Variants in OPHN1 observed in about 807,000 individuals in gnomAD.
The protein encoded by OPHN1 is oligophrenin-1.
A neutral mutation model predicts 60.7 loss-of-function variants in OPHN1; 11 were observed. That is an observed-to-expected ratio of 0.18 (90% confidence interval 0.11 to 0.30). The LOEUF is 0.30. Ranked by LOEUF, OPHN1 falls within the 10% of genes least tolerant of loss-of-function variation. The probability of loss-of-function intolerance (pLI) is 1.00; values close to 1 mark genes in which losing one functional copy is unlikely to be tolerated. For synonymous variants in OPHN1, 226 were observed against 222.6 expected, an observed-to-expected ratio of 1.02 and a Z score of -0.14; for missense variants, 449 against 611.0, an observed-to-expected ratio of 0.73 and a Z score of 2.80.
At chrX:68,150,698 T>C (rs932609634) in intron 15 of OPHN1, among the ~76,000 whole-genome samples, 5 of 111,516 alleles carry the variant, frequency 4.5e-5, no homozygotes, top group Admixed American at 2.9e-4. Flanking sequence ...TTCTAGGACT[T>C]TGAGGAATAG....
intron 2 of OPHN1, among the ~76,000 whole-genome samples, chrX:68,414,922 T>C (rs1046215365): frequency 3.6e-5 from 4 of 112,168 alleles, no homozygotes; most frequent in Non-Finnish European, 5.6e-5. Flanking sequence ...TTTAGGTGCA[T>C]AAGAATAAAA....
chrX:68,069,417 C>T (rs1204193925), intron 20 of OPHN1, among the ~76,000 whole-genome samples: 1 of 111,625 alleles, frequency 9.0e-6, no homozygotes, highest in Non-Finnish European at 1.9e-5. Flanking sequence ...TATGGAACAA[C>T]AGACAGGCAT....
rs1167511529 is a variant in OPHN1 at position 68,339,087 on chromosome X, A to ATAT, written c.155-39992_155-39991insATA. ...AGTGAGACCCTGTCTGAAAAAAAAA[A>ATAT]ATATATATATATATATATTTATATA... On this transcript the variant is annotated intron_variant, in intron 2 of 24. Coordinates refer to ENST00000355520, the MANE Select transcript of OPHN1 (RefSeq NM_002547.3). Among the ~76,000 whole-genome samples, 66 of 90,983 alleles carry ATAT rather than the reference A, an allele frequency of 7.3e-4. 1 individual carries two copies. The highest frequency in any genetic ancestry group is 3.2e-3 in the African/African-American group (62 of 19,485). The allele number at this position is 90,983 out of a possible 115,157, so 79.0% of individuals were successfully genotyped here.
intron 16 of OPHN1, 83 bp downstream of exon 16, chrX:68,119,165 C>T: frequency 1.5e-6 from 1 of 688,068 alleles, no homozygotes; most frequent in Admixed American, 2.3e-5. Context: ...ACTCCTGGAA[C>T]TGAGACCACG....
At chrX:68,094,873 CT>C (rs1221208194) in intron 19 of OPHN1, among the ~76,000 whole-genome samples, 1 of 111,330 alleles carries the variant, frequency 9.0e-6, no homozygotes, top group Non-Finnish European at 1.9e-5. Flanking sequence ...GGATTTTGCA[CT>C]TACCATTTCC....
intron 15 of OPHN1, among the ~76,000 whole-genome samples, chrX:68,160,379 C>A (rs2077329170): frequency 9.0e-6 from 1 of 110,821 alleles, no homozygotes; most frequent in Non-Finnish European, 1.9e-5. Context: ...AACAACTAGG[C>A]AGAAGATGAA....
intron 6 of OPHN1, among the ~76,000 whole-genome samples, chrX:68,231,109 TG>T (rs2077726867): frequency 9.0e-6 from 1 of 111,168 alleles, no homozygotes. Flanking sequence ...TGCAACAACA[TG>T]GATGGAACTG....
In OPHN1 at chrX:68,225,954, C is replaced by A. The variant is rs986990912; in HGVS notation, c.486+8533G>T. On this transcript the variant is annotated intron_variant, in intron 6 of 24. Coordinates refer to ENST00000355520, the MANE Select transcript of OPHN1 (RefSeq NM_002547.3). ...TCCAAGCTAAAGGAGGATGCTCAAA[C>A]CCAACGCAAAGAAGCTAAAAACCTT... Among the ~76,000 whole-genome samples, 163 of 111,574 alleles carry A rather than the reference C, an allele frequency of 1.5e-3. 1 individual carries two copies. Among genetic ancestry groups the A allele is most frequent in the Non-Finnish European group, 3.8e-4 (20 of 53,123 alleles).
At chrX:68,404,449 C>A (rs1362719138) in intron 2 of OPHN1, among the ~76,000 whole-genome samples, 2 of 111,206 alleles carry the variant, frequency 1.8e-5, no homozygotes, top group African/African-American at 6.5e-5. Context: ...TGAGCCACTG[C>A]GCCTGGCCAA....
intron 2 of OPHN1, among the ~76,000 whole-genome samples, chrX:68,349,267 C>G (rs1276071871): frequency 1.8e-5 from 2 of 111,326 alleles, no homozygotes; most frequent in African/African-American, 6.5e-5. Context: ...AGACACTTCT[C>G]AAAAGAAGAC....
At chrX:68,344,008 T>C (rs891408027) in intron 2 of OPHN1, among the ~76,000 whole-genome samples, 1 of 111,882 alleles carries the variant, frequency 8.9e-6, no homozygotes, top group Non-Finnish European at 1.9e-5. Flanking sequence ...TCCTAGGTGA[T>C]TCACATACAC....
intron 6 of OPHN1, among the ~76,000 whole-genome samples, chrX:68,223,456 C>G (rs1229568847): frequency 1.3e-4 from 15 of 112,044 alleles, no homozygotes; most frequent in African/African-American, 4.5e-4. Context: ...TAACTCAAAT[C>G]AAATACCTCA....
chrX:68,412,207 G>T (rs1324631300), intron 2 of OPHN1, among the ~76,000 whole-genome samples: 1 of 111,865 alleles, frequency 8.9e-6, no homozygotes, highest in African/African-American at 3.2e-5. Flanking sequence ...TTTCCCTACA[G>T]CTGCAAATGT....
At chrX:68,151,899 C>G (rs1334398050) in intron 15 of OPHN1, among the ~76,000 whole-genome samples, 2 of 111,543 alleles carry the variant, frequency 1.8e-5, no homozygotes, top group African/African-American at 6.5e-5. Flanking sequence ...ATGGCAGCAT[C>G]TGCTTCTGGG....
intron 15 of OPHN1, among the ~76,000 whole-genome samples, chrX:68,134,982 T>C (rs2077213239): frequency 1.8e-5 from 2 of 111,491 alleles, no homozygotes; most frequent in Admixed American, 1.9e-4. Flanking sequence ...CCTTGTTTCC[T>C]TTATTGTTTC....
intron 2 of OPHN1, among the ~76,000 whole-genome samples, chrX:68,344,577 A>T (rs779773288): frequency 3.6e-4 from 38 of 106,016 alleles, no homozygotes; most frequent in African/African-American, 1.3e-3. Flanking sequence ...GTGCCACTGC[A>T]CTCCAGCCTG....
intron 5 of OPHN1, among the ~76,000 whole-genome samples, chrX:68,246,146 C>T (rs981571996): frequency 6.3e-5 from 7 of 111,732 alleles, no homozygotes; most frequent in East Asian, 5.6e-4. Flanking sequence ...CCCCTTCCTA[C>T]CACCACTGAA....
intron 2 of OPHN1, among the ~76,000 whole-genome samples, chrX:68,358,513 C>G (rs2078453997): frequency 1.8e-5 from 2 of 111,527 alleles, no homozygotes; most frequent in Admixed American, 9.6e-5. Context: ...GAGCACAGAA[C>G]TAAATAACCT....
chrX:68,209,456 C>T (rs2077574469), intron 9 of OPHN1, among the ~76,000 whole-genome samples: 3 of 111,613 alleles, frequency 2.7e-5, no homozygotes, highest in Non-Finnish European at 3.8e-5. Flanking sequence ...GGTGCAGCCA[C>T]TCAGGAGGCT....
Sources: gnomAD v4.1 joint callset for allele counts (sites outside exome capture counted in the v4.1 genomes callset) on GRCh38, gnomAD v4.1.1 for gene constraint, MANE v1.5 for transcripts, NCBI Gene and HGNC (gene_info 2026-07-23, HGNC 2026-07-21) for gene names.